The following UHRF2 variants were observed in gnomAD, a reference collection of about 807,000 sequenced individuals.
UHRF2 encodes ubiquitin like with PHD and ring finger domains 2, also known as E3 ubiquitin-protein ligase UHRF2.
Under a neutral mutation model 96.8 loss-of-function variants are expected in UHRF2, and 23 were observed. That is an observed-to-expected ratio of 0.24 (90% CI 0.17 to 0.34). UHRF2 has a LOEUF of 0.34. Among genes scored for constraint, UHRF2 ranks in the 10% least tolerant of loss-of-function variants. The probability of loss-of-function intolerance (pLI) is 1.00; values close to 1 mark genes in which losing one functional copy is unlikely to be tolerated. For synonymous variants in UHRF2, 385 were observed against 332.6 expected, an observed-to-expected ratio of 1.16 and a Z score of -1.72; for missense variants, 685 against 981.5, an observed-to-expected ratio of 0.70 and a Z score of 4.04.
chr9:6,450,513 A>G (rs1821795388), intron 3 of UHRF2, among the ~76,000 whole-genome samples: 1 of 152,122 alleles, frequency 6.6e-6, no homozygotes, highest in African/African-American at 2.4e-5. Context: ...TACCTATGGC[A>G]TGGTATCCCA....
At chr9:6,505,741 G>T (rs922100063) in intron 15 of UHRF2, among the ~76,000 whole-genome samples, 8 of 152,234 alleles carry the variant, frequency 5.3e-5, no homozygotes, top group African/African-American at 1.7e-4. Context: ...TAACCCAGAA[G>T]ATTAGGCTAG....
At chr9:6,502,596 T>C (rs1816358433) in intron 14 of UHRF2, among the ~76,000 whole-genome samples, 2 of 152,206 alleles carry the variant, frequency 1.3e-5, no homozygotes, top group South Asian at 4.1e-4. Flanking sequence ...TTTCATCAGT[T>C]ATTACTATCT....
At chr9:6,490,258 T>A (rs569347540) in intron 9 of UHRF2, among the ~76,000 whole-genome samples, 7 of 152,336 alleles carry the variant, frequency 4.6e-5, no homozygotes, top group Admixed American at 4.6e-4. Flanking sequence ...AGAAGATGAT[T>A]ACATTAACTG....
At chr9:6,486,427 G>A (rs560542970) in intron 8 of UHRF2, among the ~76,000 whole-genome samples, 1 of 152,226 alleles carries the variant, frequency 6.6e-6, no homozygotes, top group Non-Finnish European at 1.5e-5. Context: ...GTAGGCAACA[G>A]GGCCACTATC....
chr9:6,427,002 C>T (rs1820300481), intron 2 of UHRF2, among the ~76,000 whole-genome samples: 1 of 78,626 alleles, frequency 1.3e-5, no homozygotes, highest in South Asian at 5.2e-4. Flanking sequence ...CCTGCCTCGG[C>T]CTCCCAAAGT....
At chr9:6,506,009 T>C (rs751907562) in intron 15 of UHRF2, 24 bp from the exon 16 acceptor site, 2 of 1,613,342 alleles carry the variant, frequency 1.2e-6, no homozygotes, top group East Asian at 2.2e-5. Flanking sequence ...CAGATTAAAT[T>C]GGATGTTTTT....
At chr9:6,462,569 G>A (rs939643269) in intron 4 of UHRF2, among the ~76,000 whole-genome samples, 1 of 152,156 alleles carries the variant, frequency 6.6e-6, no homozygotes, top group Non-Finnish European at 1.5e-5. Context: ...GAAAGCATGT[G>A]TACACAGTAG....
chr9:6,487,131 G>A (rs1053835307), intron 9 of UHRF2, among the ~76,000 whole-genome samples: 5 of 145,934 alleles, frequency 3.4e-5, no homozygotes, highest in African/African-American at 1.3e-4. Flanking sequence ...TGTTTGTTAA[G>A]TGATTATTAT....
intron 2 of UHRF2, among the ~76,000 whole-genome samples, chr9:6,429,738 A>G (rs186301260): frequency 2.0e-5 from 3 of 152,322 alleles, no homozygotes; most frequent in East Asian, 1.9e-4. Flanking sequence ...ACGTTACATG[A>G]ATTTTCTCAC....
intron 6 of UHRF2, among the ~76,000 whole-genome samples, chr9:6,478,503 A>G (rs989884308): frequency 6.6e-6 from 1 of 152,360 alleles, no homozygotes; most frequent in South Asian, 2.1e-4. Context: ...GGCTCCAATT[A>G]TACTTGCCAA....
Position 6,413,618 on chromosome 9 carries a change from A to G in UHRF2, c.128A>G (p.Gln43Arg). 2 of 1,597,022 alleles carry G rather than the reference A, an allele frequency of 1.3e-6. No individual in the cohort carries two copies. The highest frequency in any genetic ancestry group is 2.3e-5 in the East Asian group (1 of 43,220). The change falls in exon 1 of 16, where the codon CAG (glutamine) becomes CGG (arginine). Residue 43 changes from glutamine to arginine, a missense_variant. Physicochemically the swap from Gln to Arg is conservative, Grantham distance 43 (BLOSUM62 1). Coordinates refer to ENST00000276893, the MANE Select transcript of UHRF2 (RefSeq NM_152896.3). ...CTGTTCGACGTGCGGCCCGAATGCC[A>G]GCGCCTCTTCTACCGGGGCAAGCAG... is the stretch of plus-strand genomic sequence containing the variant. ...WALFDVRPECQRLFYRGKQLE... is the reference protein window; with the variant it reads ...WALFDVRPECRRLFYRGKQLE...
chr9:6,444,125 G>T (rs1821349050), intron 3 of UHRF2, among the ~76,000 whole-genome samples: 1 of 152,178 alleles, frequency 6.6e-6, no homozygotes, highest in African/African-American at 2.4e-5. Flanking sequence ...GGTTTTGATG[G>T]GAGAGAGAGT....
intron 4 of UHRF2, among the ~76,000 whole-genome samples, chr9:6,463,914 G>A (rs890720897): frequency 6.6e-6 from 1 of 152,148 alleles, no homozygotes; most frequent in African/African-American, 2.4e-5. Flanking sequence ...TCAGGTTCTT[G>A]TACCTATACC....
chr9:6,453,133 T>A (rs1174561294), intron 3 of UHRF2, among the ~76,000 whole-genome samples: 1 of 152,204 alleles, frequency 6.6e-6, no homozygotes, highest in Admixed American at 6.5e-5. Context: ...CACTATATAA[T>A]TCTCTCCTGA....
intron 4 of UHRF2, among the ~76,000 whole-genome samples, chr9:6,469,239 G>A (rs1052402623): frequency 6.6e-6 from 1 of 152,132 alleles, no homozygotes; most frequent in Non-Finnish European, 1.5e-5. Flanking sequence ...ACAAATAAGG[G>A]CCAGGCACCA....
rs1016341364 is a variant in UHRF2 at position 6,500,013 on chromosome 9, C to T, written c.2005+82C>T. On this transcript the variant is annotated intron_variant, in intron 13 of 15. Coordinates refer to ENST00000276893, the MANE Select transcript of UHRF2 (RefSeq NM_152896.3). ...TTGAGACGGGGTCTCACTCTTGTCACCCAGGCTGGAGTGCAGTGGAAAGAT... is the reference window on the plus strand; with the variant it reads ...TTGAGACGGGGTCTCACTCTTGTCATCCAGGCTGGAGTGCAGTGGAAAGAT... The T allele has an allele frequency of 5.3e-6, 6 of 1,141,394 alleles. No individual in the cohort carries two copies. The African/African-American group carries it at 9.2e-5, about 18-fold the overall frequency. The allele number at this position is 1,141,394 out of a possible 1,614,324, so 70.7% of individuals were successfully genotyped here. A position where few individuals can be genotyped will look rare whatever the true frequency, so the allele number is the denominator to read the frequency against.
At chr9:6,479,249 C>T (rs1187195887) in intron 6 of UHRF2, among the ~76,000 whole-genome samples, 1 of 152,174 alleles carries the variant, frequency 6.6e-6, no homozygotes, top group East Asian at 1.9e-4. Context: ...TCTAGCTTTC[C>T]TTCCACTGTA....
intron 3 of UHRF2, among the ~76,000 whole-genome samples, chr9:6,445,824 A>G (rs747204061): frequency 6.6e-6 from 1 of 152,062 alleles, no homozygotes; most frequent in Non-Finnish European, 1.5e-5. Flanking sequence ...TTGGCCTCCC[A>G]AAGTGCTGGG....
chr9:6,458,905 C>T (rs998215136), intron 3 of UHRF2, among the ~76,000 whole-genome samples: 3 of 152,174 alleles, frequency 2.0e-5, no homozygotes, highest in Admixed American at 6.5e-5. Flanking sequence ...GGATGAGTTC[C>T]TGTCCTTTGC....
Sources: allele counts gnomAD v4.1 joint callset (sites outside exome capture counted in the v4.1 genomes callset), GRCh38; gene constraint gnomAD v4.1.1; transcripts MANE v1.5; gene names NCBI Gene and HGNC (gene_info 2026-07-23, HGNC 2026-07-21).